Variants in DOK6 observed in about 807,000 individuals in gnomAD.
DOK6 encodes docking protein 6.
A neutral mutation model predicts 44.0 loss-of-function variants in DOK6; 22 were observed. The ratio of observed to expected loss-of-function variants is 0.50; its 90% CI spans 0.36 to 0.71. DOK6 has a LOEUF of 0.71. Among genes scored for constraint, DOK6 ranks in the 30% least tolerant of loss-of-function variants. The pLI is 0.00. For missense variants in DOK6, 340 were observed against 416.4 expected (o/e 0.82, Z 1.60); for synonymous variants, 166 against 145.5 (o/e 1.14, Z -1.01).
chr18:69,595,182 C>T (rs901147708), intron 2 of DOK6, among the ~76,000 whole-genome samples: 2 of 152,178 alleles, frequency 1.3e-5, no homozygotes, highest in Non-Finnish European at 2.9e-5. Flanking sequence ...TCAAAGCAAT[C>T]TACAGATTCA....
chr18:69,648,537 A>G (rs1486573884), intron 3 of DOK6, among the ~76,000 whole-genome samples: 1 of 152,244 alleles, frequency 6.6e-6, no homozygotes, highest in African/African-American at 2.4e-5. Flanking sequence ...ACCTTTACTG[A>G]GAATTTTAAA....
At chr18:69,494,741 A>G (rs905549162) in intron 1 of DOK6, among the ~76,000 whole-genome samples, 1 of 152,152 alleles carries the variant, frequency 6.6e-6, no homozygotes, top group Non-Finnish European at 1.5e-5. Flanking sequence ...CATTTTTCTC[A>G]AAAACTTAAA....
At chr18:69,470,140 A>T (rs1393798892) in intron 1 of DOK6, 2 of 155,752 alleles carry the variant, frequency 1.3e-5, no homozygotes, top group African/African-American at 4.8e-5. Context: ...TCACAAGAGG[A>T]ATGGTGTGTG....
Position 69,841,180 on chromosome 18 carries a change from G to C in DOK6, c.857-64G>C, listed in dbSNP as rs1982206221. On this transcript the variant is annotated intron_variant, in intron 7 of 7. Transcript: ENST00000382713. ...ATAGATAGATAATAGATAGATGATAGATAGTGTATCTTTTGTGCTTCTGAA... is the reference window on the plus strand; with the variant it reads ...ATAGATAGATAATAGATAGATGATACATAGTGTATCTTTTGTGCTTCTGAA... 10 of 1,591,322 alleles carry C rather than the reference G, an allele frequency of 6.3e-6. No individual in the cohort carries two copies. The South Asian group carries it at 1.0e-4, about 16-fold the overall frequency.
chr18:69,676,572 C>G (rs1340077416), intron 3 of DOK6, among the ~76,000 whole-genome samples: 3 of 152,148 alleles, frequency 2.0e-5, no homozygotes, highest in Admixed American at 1.3e-4. Context: ...CCATATTACA[C>G]TATTCTAGTA....
intron 1 of DOK6, among the ~76,000 whole-genome samples, chr18:69,559,986 A>G (rs1445595878): frequency 1.3e-5 from 2 of 152,102 alleles, no homozygotes; most frequent in Non-Finnish European, 2.9e-5. Flanking sequence ...ATCTCCAAAT[A>G]CTAGCACCTT....
At chr18:69,726,494 A>G (rs748709438) in intron 5 of DOK6, among the ~76,000 whole-genome samples, 2 of 152,158 alleles carry the variant, frequency 1.3e-5, no homozygotes, top group Non-Finnish European at 2.9e-5. Flanking sequence ...ACCACAGCAG[A>G]AAGGAGCCCA....
At chr18:69,475,801 A>G (rs1453136553) in intron 1 of DOK6, among the ~76,000 whole-genome samples, 1 of 152,252 alleles carries the variant, frequency 6.6e-6, no homozygotes, top group Non-Finnish European at 1.5e-5. Context: ...TCTATTAGAC[A>G]CAAGTTAACT....
At chr18:69,617,724 A>AAAGAAAG (rs1568312807) in intron 3 of DOK6, among the ~76,000 whole-genome samples, 1 of 97,488 alleles carries the variant, frequency 1.0e-5, no homozygotes, top group Admixed American at 1.2e-4. Flanking sequence ...AGAAAGAAAG[A>AAAGAAAG]AAAAAGGGGG....
In DOK6 at chr18:69,521,022, C is replaced by A. The variant is rs78341484; in HGVS notation, c.67-43465C>A. 1.7e-3 allele frequency among the ~76,000 whole-genome samples: 255 copies of A among 151,920 alleles called. 1 individual carries two copies. The highest frequency in any genetic ancestry group is 5.8e-3 in the African/African-American group (241 of 41,508). ...GTAATAACAGTAAAGATTCTGATTG[C>A]TTAAAAGACATCAGTGTATGAATGC... On this transcript the variant is annotated intron_variant, in intron 1 of 7. Transcript: ENST00000382713.
At chr18:69,769,343 G>A (rs924629607) in intron 7 of DOK6, among the ~76,000 whole-genome samples, 1 of 152,060 alleles carries the variant, frequency 6.6e-6, no homozygotes. Flanking sequence ...TTCCTCTCTA[G>A]TGTATATTTG....
At chr18:69,742,369 G>C (rs182784465) in intron 6 of DOK6, among the ~76,000 whole-genome samples, 1 of 149,562 alleles carries the variant, frequency 6.7e-6, no homozygotes, top group Admixed American at 6.7e-5. Flanking sequence ...AGCCGAGTTC[G>C]TGCCATTGCA....
chr18:69,846,590 T>C lies in DOK6; in HGVS notation c.*5207T>C, dbSNP rs1982349324. 1 of 152,240 alleles carries C rather than the reference T, an allele frequency of 6.6e-6. No individual in the cohort carries two copies. The highest frequency in any genetic ancestry group is 1.5e-5 in the Non-Finnish European group (1 of 68,042). 9.4% of individuals were successfully genotyped at this position (152,240 alleles called of 1,614,324 possible). ...TTGGTATAAGCTTTATTTACTCATA[T>C]ATTGTCATCCAGTTCTTTGAAATTC... On this transcript the variant is annotated 3_prime_UTR_variant, in exon 8 of 8. Coordinates refer to ENST00000382713, the MANE Select transcript of DOK6 (RefSeq NM_152721.6).
intron 1 of DOK6, among the ~76,000 whole-genome samples, chr18:69,524,383 G>A (rs1981771480): frequency 1.3e-5 from 2 of 151,934 alleles, no homozygotes; most frequent in Admixed American, 1.3e-4. Context: ...TATGATTTAT[G>A]CAATTTAAAG....
intron 6 of DOK6, among the ~76,000 whole-genome samples, chr18:69,756,175 C>T (rs544158013): frequency 1.1e-4 from 17 of 152,256 alleles, no homozygotes; most frequent in East Asian, 5.8e-4. Context: ...CCCCGGGGAG[C>T]CTTCCTTATC....
At chr18:69,553,717 A>G (rs1391775436) in intron 1 of DOK6, among the ~76,000 whole-genome samples, 5 of 152,148 alleles carry the variant, frequency 3.3e-5, no homozygotes, top group Non-Finnish European at 7.4e-5. Flanking sequence ...CAGTACAACC[A>G]CTTACATACT....
At chr18:69,437,397 C>A (rs1167902585) in intron 1 of DOK6, among the ~76,000 whole-genome samples, 2 of 152,262 alleles carry the variant, frequency 1.3e-5, no homozygotes, top group East Asian at 1.9e-4. Context: ...TTCCCAAGAC[C>A]ATTTATTAAA....
At chr18:69,808,304 C>G (rs1981114375) in intron 7 of DOK6, among the ~76,000 whole-genome samples, 1 of 151,592 alleles carries the variant, frequency 6.6e-6, no homozygotes, top group East Asian at 1.9e-4. Context: ...CAAAGGTTAG[C>G]TAATACCAAT....
At chr18:69,776,180 C>A (rs932924373) in intron 7 of DOK6, among the ~76,000 whole-genome samples, 5 of 151,868 alleles carry the variant, frequency 3.3e-5, no homozygotes, top group Admixed American at 6.6e-5. Context: ...AATTAAACAG[C>A]ATAAAACAAG....
Sources: allele counts gnomAD v4.1 joint callset (sites outside exome capture counted in the v4.1 genomes callset), GRCh38; gene constraint gnomAD v4.1.1; transcripts MANE v1.5; gene names NCBI Gene and HGNC (gene_info 2026-07-23, HGNC 2026-07-21).